LMX1A: variants seen among roughly 807,000 people sequenced by gnomAD.
The protein encoded by LMX1A is LIM homeobox transcription factor 1 alpha.
Under a neutral mutation model 49.1 loss-of-function variants are expected in LMX1A, and 15 were observed. The ratio of observed to expected loss-of-function variants is 0.31; its 90% CI spans 0.20 to 0.47. The LOEUF is 0.47. Ranked by LOEUF, LMX1A falls within the 20% of genes least tolerant of loss-of-function variation. LMX1A has a pLI of 1.00. For missense variants in LMX1A, 372 were observed against 475.8 expected (o/e 0.78, Z 2.03); for synonymous variants, 167 against 185.7 (o/e 0.90, Z 0.82).
chr1:165,331,715 G>A (rs937750183), intron 3 of LMX1A, among the ~76,000 whole-genome samples: 9 of 152,118 alleles, frequency 5.9e-5, no homozygotes, highest in East Asian at 1.9e-4. Flanking sequence ...CCAGGAGTTC[G>A]AGACCACCCT....
chr1:165,228,844 T>C (rs1652138578), intron 4 of LMX1A, among the ~76,000 whole-genome samples: 1 of 152,120 alleles, frequency 6.6e-6, no homozygotes, highest in Non-Finnish European at 1.5e-5. Flanking sequence ...CAGAAATGAC[T>C]TTAAAGGAAA....
chr1:165,344,726 C>T (rs765623758), intron 3 of LMX1A, among the ~76,000 whole-genome samples: 4 of 152,232 alleles, frequency 2.6e-5, no homozygotes, highest in Non-Finnish European at 5.9e-5. Context: ...CTCTTTAAAT[C>T]CAGGCCATCA....
rs185237613 is a variant in LMX1A at position 165,341,436 on chromosome 1, A to C, written c.263+11640T>G. Among the ~76,000 whole-genome samples, 11 of 152,332 alleles carry C rather than the reference A, an allele frequency of 7.2e-5. No homozygotes were observed. The East Asian group carries it at 2.1e-3, about 29-fold the overall frequency. ...GAAGCTTTTTAAACAACCCCAAGCA[A>C]GTCACGTAATTAATTTATCTATTCA... On this transcript the variant is annotated intron_variant, in intron 3 of 8. Coordinates refer to ENST00000342310, the MANE Select transcript of LMX1A (RefSeq NM_177398.4).
At chr1:165,279,747 C>T (rs564772434) in intron 3 of LMX1A, among the ~76,000 whole-genome samples, 1 of 152,294 alleles carries the variant, frequency 6.6e-6, no homozygotes, top group African/African-American at 2.4e-5. Flanking sequence ...CAACAAATGA[C>T]CACCATTTGG....
intron 3 of LMX1A, among the ~76,000 whole-genome samples, chr1:165,273,033 A>G (rs927746593): frequency 6.6e-6 from 1 of 152,166 alleles, no homozygotes; most frequent in African/African-American, 2.4e-5. Context: ...TCATGGTTTG[A>G]ATTTGCACCA....
chr1:165,272,909 T>G (rs956694513), intron 3 of LMX1A, among the ~76,000 whole-genome samples: 1 of 152,136 alleles, frequency 6.6e-6, no homozygotes, highest in Non-Finnish European at 1.5e-5. Flanking sequence ...TAGATCTCCA[T>G]GAACATTCTT....
intron 3 of LMX1A, among the ~76,000 whole-genome samples, chr1:165,304,895 C>G (rs367764562): frequency 2.3e-4 from 35 of 152,220 alleles, no homozygotes; most frequent in African/African-American, 8.4e-4. Context: ...TCATCTCCTT[C>G]CAGACACCTG....
rs1654661659 is a variant in LMX1A, at chr1:165,297,888, C to G, written c.264-48248G>C. Among the ~76,000 whole-genome samples, 3 of 152,168 alleles carry G rather than the reference C, an allele frequency of 2.0e-5. No individual in the cohort carries two copies. In the South Asian group the frequency reaches 6.2e-4, roughly 31 times the overall value. On this transcript the variant is annotated intron_variant, in intron 3 of 8. Coordinates refer to ENST00000342310, the MANE Select transcript of LMX1A (RefSeq NM_177398.4). ...TCATTCAGCCTCTCAGATTCCTCAT[C>G]TATAAAATAAAAATAACAAAACCCA... is the stretch of plus-strand genomic sequence containing the variant.
chr1:165,220,597 C>T (rs10047153), intron 4 of LMX1A, among the ~76,000 whole-genome samples: 16,499 of 152,174 alleles, frequency 0.11, 898 homozygotes, highest in South Asian at 0.16. Flanking sequence ...AGGTTTCATG[C>T]AAGGCTTGTC....
rs937054972 is a variant in LMX1A, at chr1:165,355,869, GC to G, written c.-22-289del. On this transcript the variant is annotated intron_variant, in intron 1 of 8. Coordinates refer to ENST00000342310, the MANE Select transcript of LMX1A (RefSeq NM_177398.4). This position sits in a 1 kb window ranked among gnomAD's most constrained non-coding sequence, Gnocchi z 4.7. ...CCCCTCACCCCCACCTACATCCCTTGCCCCAGGTTTTCCATCCCGAATCCGA... is the reference window on the plus strand; with the variant it reads ...CCCCTCACCCCCACCTACATCCCTTGCCCAGGTTTTCCATCCCGAATCCGA... The G allele has an allele frequency of 1.0e-5, 4 of 399,804 alleles. No homozygotes were observed. Among genetic ancestry groups the G allele is most frequent in the Admixed American group, 8.0e-5 (2 of 24,980 alleles). The allele number at this position is 399,804 out of a possible 1,614,324, so 24.8% of individuals were successfully genotyped here.
At chr1:165,278,848 A>G (rs1045261333) in intron 3 of LMX1A, among the ~76,000 whole-genome samples, 2 of 152,140 alleles carry the variant, frequency 1.3e-5, no homozygotes, top group Non-Finnish European at 2.9e-5. Flanking sequence ...TTAACCCTGC[A>G]CCCAGTGCTG....
intron 3 of LMX1A, among the ~76,000 whole-genome samples, chr1:165,344,113 A>G (rs1437881630): frequency 2.0e-5 from 3 of 152,236 alleles, no homozygotes; most frequent in Non-Finnish European, 4.4e-5. Context: ...TAGGAAAACA[A>G]GTGCTGTGGT....
intron 3 of LMX1A, among the ~76,000 whole-genome samples, chr1:165,251,467 C>T (rs999330503): frequency 5.9e-5 from 9 of 152,018 alleles, no homozygotes; most frequent in African/African-American, 1.9e-4. Flanking sequence ...ATGGAGGTAG[C>T]GAGATGAGTG....
At chr1:165,282,486 T>C (rs1422154401) in intron 3 of LMX1A, among the ~76,000 whole-genome samples, 1 of 152,204 alleles carries the variant, frequency 6.6e-6, no homozygotes, top group Non-Finnish European at 1.5e-5. Context: ...GTTTTAAAAT[T>C]TGTATTATTT....
intron 3 of LMX1A, among the ~76,000 whole-genome samples, chr1:165,294,551 G>A (rs1328294342): frequency 6.6e-6 from 1 of 152,160 alleles, no homozygotes; most frequent in African/African-American, 2.4e-5. Flanking sequence ...ATTTAAACCC[G>A]GCAGTTTCTC....
intron 3 of LMX1A, among the ~76,000 whole-genome samples, chr1:165,352,445 G>A (rs1656456293): frequency 6.6e-6 from 1 of 152,202 alleles, no homozygotes; most frequent in Non-Finnish European, 1.5e-5. Flanking sequence ...GCATCCGAGG[G>A]TTCTGCAGAA....
At chr1:165,240,426 A>G (rs921111423) in intron 4 of LMX1A, among the ~76,000 whole-genome samples, 1 of 151,982 alleles carries the variant, frequency 6.6e-6, no homozygotes. Flanking sequence ...GCTCCTTTCT[A>G]TCACAAAGCT....
At chr1:165,346,813 C>T (rs187010665) in intron 3 of LMX1A, among the ~76,000 whole-genome samples, 20 of 152,298 alleles carry the variant, frequency 1.3e-4, no homozygotes, top group Admixed American at 1.2e-3. Flanking sequence ...ACAGTGTTTA[C>T]ACCTCCTTTT....
intron 3 of LMX1A, among the ~76,000 whole-genome samples, chr1:165,294,062 AAC>A (rs757223996): frequency 7.2e-5 from 11 of 152,218 alleles, no homozygotes; most frequent in Non-Finnish European, 1.3e-4. Flanking sequence ...AGGGAACTGA[AAC>A]ACAGAGAGCT....
Sources: gnomAD v4.1 joint callset for allele counts (sites outside exome capture counted in the v4.1 genomes callset) on GRCh38, gnomAD v4.1.1 for gene constraint, Gnocchi (gnomAD v3.1) non-coding constraint, MANE v1.5 for transcripts, NCBI Gene and HGNC (gene_info 2026-07-23, HGNC 2026-07-21) for gene names.